DEPDC1B: variants seen among roughly 807,000 people sequenced by gnomAD.
The protein encoded by DEPDC1B is DEP domain containing 1B.
DEPDC1B carries 51 observed loss-of-function variants against 66.5 expected under a neutral mutation model. That is an observed-to-expected ratio of 0.77 (90% CI 0.61 to 0.97). DEPDC1B has a LOEUF of 0.97. Ranked by LOEUF, DEPDC1B falls within the 50% of genes least tolerant of loss-of-function variation. DEPDC1B has a pLI of 0.00. For missense variants in DEPDC1B, 552 were observed against 637.1 expected, an observed-to-expected ratio of 0.87 and a Z score of 1.44; for synonymous variants, 226 against 223.6, an observed-to-expected ratio of 1.01 and a Z score of -0.10.
In DEPDC1B at chr5:60,605,812, A is replaced by T; in HGVS notation, c.943T>A (p.Cys315Ser). The T allele has an allele frequency of 6.2e-7, 1 of 1,613,236 alleles. No individual in the cohort carries two copies. Among genetic ancestry groups the T allele is most frequent in the Non-Finnish European group, 8.5e-7 (1 of 1,179,634 alleles). ...EKVAVEAFQI[C>S]CLLLPPENRR... Reference sequence around the variant, plus strand: ...TTTTCAGGAGGTAGGAGAAGGCAGCAAATCTGAAATGCTTCAACTGCCACT... The same window carrying T: ...TTTTCAGGAGGTAGGAGAAGGCAGCTAATCTGAAATGCTTCAACTGCCACT... Residue 315 changes from cysteine (C) to serine (S), a missense_variant, in exon 8 of 11, where the codon TGC becomes AGC. Physicochemically the swap from Cys to Ser is moderately radical, Grantham distance 112. Coordinates refer to ENST00000265036, the MANE Select transcript of DEPDC1B (RefSeq NM_018369.3).
At chr5:60,642,668 C>A in intron 6 of DEPDC1B, 144 bp downstream of exon 6, 2 of 620,846 alleles carry the variant, frequency 3.2e-6, no homozygotes, top group Non-Finnish European at 5.7e-6. Flanking sequence ...AAATTTATCA[C>A]TAAAAGCACA....
chr5:60,615,132 C>G (rs934927287), intron 7 of DEPDC1B, among the ~76,000 whole-genome samples: 1 of 152,164 alleles, frequency 6.6e-6, no homozygotes, highest in Non-Finnish European at 1.5e-5. Context: ...GAATCAAAGG[C>G]ATCCCAAGTT....
intron 7 of DEPDC1B, among the ~76,000 whole-genome samples, chr5:60,637,361 T>G (rs1424542080): frequency 1.3e-5 from 2 of 152,188 alleles, no homozygotes; most frequent in Non-Finnish European, 2.9e-5. Context: ...CTAATCCTTT[T>G]GGTCCTGCTC....
intron 7 of DEPDC1B, among the ~76,000 whole-genome samples, chr5:60,631,733 A>T (rs1752930052): frequency 6.6e-6 from 1 of 152,164 alleles, no homozygotes; most frequent in Non-Finnish European, 1.5e-5. Context: ...CTCCAATTAT[A>T]GCTATTTTCC....
chr5:60,625,060 G>A (rs891468304), intron 7 of DEPDC1B, among the ~76,000 whole-genome samples: 5 of 152,028 alleles, frequency 3.3e-5, no homozygotes, highest in African/African-American at 7.3e-5. Context: ...CCATGTCCCT[G>A]CAAAGGACAT....
chr5:60,636,321 T>C (rs966372228), intron 7 of DEPDC1B, among the ~76,000 whole-genome samples: 7 of 152,180 alleles, frequency 4.6e-5, no homozygotes, highest in African/African-American at 1.7e-4. Flanking sequence ...AGATGTCCTA[T>C]CTCATGTATC....
chr5:60,620,476 G>A (rs555278297), intron 7 of DEPDC1B, among the ~76,000 whole-genome samples: 14 of 152,236 alleles, frequency 9.2e-5, no homozygotes, highest in Admixed American at 2.0e-4. Flanking sequence ...ACAAGTAGGC[G>A]AAGGATATGA....
At chr5:60,690,646 G>A (rs747967453) in intron 1 of DEPDC1B, among the ~76,000 whole-genome samples, 3 of 151,878 alleles carry the variant, frequency 2.0e-5, no homozygotes, top group South Asian at 4.2e-4. Flanking sequence ...TATAAACTCC[G>A]AATCTTTTGT....
chr5:60,689,395 G>T (rs570385606), intron 1 of DEPDC1B, among the ~76,000 whole-genome samples: 1 of 152,256 alleles, frequency 6.6e-6, no homozygotes, highest in South Asian at 2.1e-4. Context: ...TCCCAAACTT[G>T]TGTCCCCATT....
intron 1 of DEPDC1B, among the ~76,000 whole-genome samples, chr5:60,699,544 G>A (rs1292325710): frequency 6.6e-6 from 1 of 150,974 alleles, no homozygotes; most frequent in East Asian, 2.0e-4. Context: ...GACAGAAACA[G>A]AAACGCCAGG....
At chr5:60,619,929 T>C (rs963849547) in intron 7 of DEPDC1B, among the ~76,000 whole-genome samples, 6 of 152,272 alleles carry the variant, frequency 3.9e-5, no homozygotes, top group African/African-American at 1.4e-4. Context: ...ATGGTACTGG[T>C]ACCAAAACAG....
chr5:60,599,011 TAA>T, intron 10 of DEPDC1B, 62 bp downstream of exon 10: 16 of 1,156,878 alleles, frequency 1.4e-5, no homozygotes, highest in East Asian at 2.9e-5. Context: ...CCTATTAAAA[TAA>T]AAAAAAAAAC....
At chr5:60,647,265 T>C (rs903670813) in intron 3 of DEPDC1B, 133 bp downstream of exon 3, 1 of 1,089,636 alleles carries the variant, frequency 9.2e-7, no homozygotes, top group African/African-American at 1.6e-5. Flanking sequence ...CTCCCAGCTG[T>C]TGGCAGGTAC....
chr5:60,641,315 T>C (rs1360236332), intron 6 of DEPDC1B, among the ~76,000 whole-genome samples: 3 of 152,018 alleles, frequency 2.0e-5, no homozygotes, highest in Non-Finnish European at 4.4e-5. Flanking sequence ...TTGGTTATAC[T>C]AGCTTCCTAT....
chr5:60,632,829 C>G (rs572818480), intron 7 of DEPDC1B, among the ~76,000 whole-genome samples: 2 of 152,196 alleles, frequency 1.3e-5, no homozygotes, highest in Non-Finnish European at 2.9e-5. Flanking sequence ...TTTTAGGTGG[C>G]TGTGGTGGTG....
rs1752153186 is a variant in DEPDC1B, at chr5:60,599,163, C to A, written c.1340G>T (p.Gly447Val). Residue 447 changes from glycine (G) to valine (V), a missense_variant, in exon 10 of 11, where the codon GGC (glycine) becomes GTC (valine). Physicochemically the swap from Gly to Val is moderately radical, Grantham distance 109. Coordinates refer to ENST00000265036, the MANE Select transcript of DEPDC1B (RefSeq NM_018369.3). ...PEEFEYQRSYGSQEPLAALLE... is the reference protein window; with the variant it reads ...PEEFEYQRSYVSQEPLAALLE... ...CAAGGCTGCCAGAGGTTCCTGAGAG[C>A]CATATGATCTTTGATATTCAAATTC... 1 of 1,613,420 alleles carries A rather than the reference C, an allele frequency of 6.2e-7. No homozygotes were observed. Among genetic ancestry groups the A allele is most frequent in the Non-Finnish European group, 8.5e-7 (1 of 1,179,676 alleles).
intron 2 of DEPDC1B, among the ~76,000 whole-genome samples, chr5:60,660,224 G>A (rs1436350309): frequency 6.7e-6 from 1 of 149,498 alleles, no homozygotes; most frequent in Non-Finnish European, 1.5e-5. Context: ...AAAGCGAGGA[G>A]AGAGAGAGAC....
chr5:60,700,090 C>A lies in DEPDC1B; in HGVS notation c.4G>T (p.Glu2Ter). The change falls in exon 1 of 11, where the codon GAG (glutamate) becomes TAG (stop). Residue 2 changes from glutamate (E) to a stop codon, truncating the protein, a stop_gained. Coordinates refer to ENST00000265036, the MANE Select transcript of DEPDC1B (RefSeq NM_018369.3). LOFTEE classifies it high-confidence loss of function. M[E>*]HRIVGPGPYR... is the part of the protein sequence containing the mutation. The stretch of plus-strand genomic sequence containing the variant: ...GGCCCGGGCCCCACGATGCGATGCT[C>A]CATGGCGCGTAGGCAGCAGCGGCCG... The A allele has an allele frequency of 1.3e-6, 2 of 1,555,404 alleles. No individual in the cohort carries two copies. Among genetic ancestry groups the A allele is most frequent in the Non-Finnish European group, 8.7e-7 (1 of 1,152,132 alleles).
chr5:60,610,618 C>T (rs1584025439), intron 7 of DEPDC1B, among the ~76,000 whole-genome samples: 1 of 152,270 alleles, frequency 6.6e-6, no homozygotes, highest in East Asian at 1.9e-4. Context: ...ATTACCTAAA[C>T]ATTTGTAGAA....
Sources: gnomAD v4.1 joint callset for allele counts (sites outside exome capture counted in the v4.1 genomes callset) on GRCh38, gnomAD v4.1.1 for gene constraint, MANE v1.5 for transcripts, NCBI Gene and HGNC (gene_info 2026-07-23, HGNC 2026-07-21) for gene names.